SCLT1: variants seen among roughly 807,000 people sequenced by gnomAD.
SCLT1 encodes the protein sodium channel and clathrin linker 1.
In SCLT1, 78 loss-of-function variants were observed where a neutral mutation model predicts 112.8. That is an observed-to-expected ratio of 0.69 (90% CI 0.58 to 0.83). SCLT1 has a LOEUF of 0.83. Among genes scored for constraint, SCLT1 ranks in the 40% least tolerant of loss-of-function variants. The pLI is 0.00. For synonymous variants in SCLT1, 257 were observed against 254.7 expected, an observed-to-expected ratio of 1.01 and a Z score of -0.09; for missense variants, 747 against 770.4, an observed-to-expected ratio of 0.97 and a Z score of 0.36.
intron 17 of SCLT1, among the ~76,000 whole-genome samples, chr4:128,939,372 G>A (rs1044600614): frequency 6.6e-6 from 1 of 152,130 alleles, no homozygotes; most frequent in Non-Finnish European, 1.5e-5. Flanking sequence ...TCTCGAACAA[G>A]CACCATAGCC....
rs1044842068 is a variant in SCLT1, at chr4:128,969,490, T to C, written c.777+888A>G. On this transcript the variant is annotated intron_variant, in intron 10 of 20. Transcript: ENST00000281142. ...GGGAGGCTGAGGCAGGAGGACGGCATGAACCCGGGAGGCAGAGCTGACAGT... is the reference window on the plus strand; with the variant it reads ...GGGAGGCTGAGGCAGGAGGACGGCACGAACCCGGGAGGCAGAGCTGACAGT... 4.6e-5 allele frequency among the ~76,000 whole-genome samples: 7 copies of C among 152,216 alleles called. 1 individual carries two copies. Among genetic ancestry groups the C allele is most frequent in the Admixed American group, 3.9e-4 (6 of 15,300 alleles).
Position 128,893,227 on chromosome 4 carries a change from A to G in SCLT1, c.1830-2090T>C, listed in dbSNP as rs1011160171. On this transcript the variant is annotated intron_variant, in intron 18 of 20. Transcript: ENST00000281142. Reference sequence around the variant, plus strand: ...CACTTACTTACTCAAGACAATCTTAATGATGGATAGTAATGATTTTCCACA... The same window carrying G: ...CACTTACTTACTCAAGACAATCTTAGTGATGGATAGTAATGATTTTCCACA... 9.8e-5 allele frequency among the ~76,000 whole-genome samples: 15 copies of G among 152,364 alleles called. No homozygotes were observed. In the East Asian group the frequency reaches 2.3e-3, roughly 24 times the overall value.
At chr4:128,915,882 T>A (rs1735435846) in intron 18 of SCLT1, among the ~76,000 whole-genome samples, 1 of 152,170 alleles carries the variant, frequency 6.6e-6, no homozygotes, top group South Asian at 2.1e-4. Context: ...GAAACAAGTA[T>A]AAAACATAAT....
intron 18 of SCLT1, among the ~76,000 whole-genome samples, chr4:128,917,152 C>A (rs1471068642): frequency 1.3e-5 from 2 of 152,002 alleles, no homozygotes; most frequent in African/African-American, 4.8e-5. Context: ...CACAGTTGCC[C>A]CCTTCACCTT....
At chr4:128,873,256 G>GAAAAAAAAAAAAAAAAAAAAAAAAAAAA (rs1296724284) in intron 5 of SCLT1, 5 of 28,622 alleles carry the variant, frequency 1.7e-4, no homozygotes, top group Non-Finnish European at 3.0e-4. Context: ...TAAGAAAAAG[G>GAAAAAAAAAAAAAAAAAAAAAAAAAAAA]AAAAAAAAAA....
At chr4:129,017,835 C>A (rs1166875508) in intron 5 of SCLT1, among the ~76,000 whole-genome samples, 3 of 152,194 alleles carry the variant, frequency 2.0e-5, no homozygotes, top group African/African-American at 7.2e-5. Context: ...TGCATAACTT[C>A]TTTTCTGCTA....
chr4:129,033,823 T>C (rs555388266), intron 5 of SCLT1, among the ~76,000 whole-genome samples: 1 of 152,292 alleles, frequency 6.6e-6, no homozygotes, highest in Admixed American at 6.5e-5. Flanking sequence ...GAGAGGTCTA[T>C]ACATACATAA....
downstream of SCLT1, among the ~76,000 whole-genome samples, chr4:128,882,139 C>T (rs1422322116): frequency 6.6e-6 from 1 of 152,056 alleles, no homozygotes; most frequent in Non-Finnish European, 1.5e-5. Flanking sequence ...TTCTGAAGTG[C>T]TTTCTTCTAC....
chr4:128,958,321 A>T (rs892681796), intron 12 of SCLT1, among the ~76,000 whole-genome samples: 3 of 152,140 alleles, frequency 2.0e-5, no homozygotes, highest in Non-Finnish European at 2.9e-5. Context: ...GGAGAAGGGG[A>T]ACTATGCTAG....
intron 18 of SCLT1, among the ~76,000 whole-genome samples, chr4:128,892,175 A>G (rs971600981): frequency 6.6e-6 from 1 of 152,220 alleles, no homozygotes; most frequent in African/African-American, 2.4e-5. Context: ...TCAACGTATA[A>G]GTATTCTATT....
intron 20 of SCLT1, 123 bp downstream of exon 20, chr4:128,888,556 A>C (rs141842729): frequency 7.2e-6 from 4 of 553,066 alleles, no homozygotes; most frequent in Admixed American, 3.4e-5. Context: ...AACCTCACAT[A>C]TTAAAGGGAT....
intron 5 of SCLT1, among the ~76,000 whole-genome samples, chr4:129,005,773 C>T (rs1174439852): frequency 6.7e-6 from 1 of 150,026 alleles, no homozygotes; most frequent in African/African-American, 2.4e-5. Context: ...ACCCAAATGT[C>T]CAACAATGAT....
chr4:128,901,459 G>A (rs1472629730), intron 18 of SCLT1, among the ~76,000 whole-genome samples: 2 of 151,474 alleles, frequency 1.3e-5, no homozygotes, highest in African/African-American at 4.9e-5. Flanking sequence ...CTCTTGGGTG[G>A]GAATTGAACA....
chr4:129,049,485 G>C (rs1284043857), intron 2 of SCLT1, among the ~76,000 whole-genome samples: 1 of 113,198 alleles, frequency 8.8e-6, no homozygotes, highest in Non-Finnish European at 1.8e-5. Flanking sequence ...GTTGTGGGGT[G>C]GGGGGAGGGG....
Position 129,014,223 on chromosome 4 carries a change from G to A in SCLT1, c.291-10347C>T, listed in dbSNP as rs180727775. Among the ~76,000 whole-genome samples the A allele has an allele frequency of 2.2e-3, 328 of 152,070 alleles. 8 individuals are homozygous for A. Among genetic ancestry groups the A allele is most frequent in the Admixed American group, 0.019 (290 of 15,272 alleles). On this transcript the variant is annotated intron_variant, in intron 5 of 20. Transcript: ENST00000281142. The stretch of plus-strand genomic sequence containing the variant: ...GCAGCTCCTGCATTGTTTTATCATC[G>A]TTCTTAGCTTCCTTGGATGGGTTTC...
intron 2 of SCLT1, among the ~76,000 whole-genome samples, chr4:129,058,436 T>C (rs1193390294): frequency 1.3e-5 from 2 of 152,196 alleles, no homozygotes; most frequent in Non-Finnish European, 2.9e-5. Context: ...TTTCAAGAAA[T>C]TTTCAAATTT....
chr4:128,938,548 T>G (rs969707843), intron 17 of SCLT1, among the ~76,000 whole-genome samples: 7 of 152,244 alleles, frequency 4.6e-5, no homozygotes, highest in African/African-American at 1.7e-4. Flanking sequence ...TATTAGATTC[T>G]GCAAATTTAG....
At chr4:129,032,725 T>C (rs981797657) in intron 5 of SCLT1, among the ~76,000 whole-genome samples, 4 of 151,328 alleles carry the variant, frequency 2.6e-5, no homozygotes, top group Admixed American at 6.6e-5. Flanking sequence ...CCAACAAACA[T>C]GAAAAAAAGC....
chr4:128,985,863 G>A (rs56865981), intron 9 of SCLT1, among the ~76,000 whole-genome samples: 2,963 of 152,258 alleles, frequency 0.019, 101 homozygotes, highest in African/African-American at 0.064. Context: ...ACAGGCATAA[G>A]CCACTGTGCC....
Sources: gnomAD v4.1 joint callset for allele counts (sites outside exome capture counted in the v4.1 genomes callset) on GRCh38, gnomAD v4.1.1 for gene constraint, MANE v1.5 for transcripts, NCBI Gene and HGNC (gene_info 2026-07-23, HGNC 2026-07-21) for gene names.